The following ZNF438 variants were observed in gnomAD, a reference collection of about 807,000 sequenced individuals.
ZNF438 encodes the protein zinc finger protein 438.
In ZNF438, 25 loss-of-function variants were observed where a neutral mutation model predicts 38.0. The ratio of observed to expected loss-of-function variants is 0.66; its 90% CI spans 0.48 to 0.92. ZNF438 has a LOEUF of 0.92. Ranked by LOEUF, ZNF438 falls within the 40% of genes least tolerant of loss-of-function variation. ZNF438 has a pLI of 0.00. For missense variants in ZNF438, 1,007 were observed against 999.6 expected (o/e 1.01, Z -0.10); for synonymous variants, 372 against 364.1 (o/e 1.02, Z -0.25).
intron 1 of ZNF438, among the ~76,000 whole-genome samples, chr10:30,997,381 A>C (rs1461498394): frequency 1.4e-4 from 22 of 152,302 alleles, no homozygotes; most frequent in Admixed American, 1.4e-3. Context: ...CAGCATATGC[A>C]GACTCTTCTT....
At chr10:30,961,440 T>C (rs1488658236) in intron 1 of ZNF438, among the ~76,000 whole-genome samples, 1 of 146,198 alleles carries the variant, frequency 6.8e-6, no homozygotes, top group Non-Finnish European at 1.6e-5. Context: ...GGACTACAGG[T>C]GTGCACAACT....
intron 1 of ZNF438, among the ~76,000 whole-genome samples, chr10:30,974,081 T>A (rs1035047346): frequency 2.0e-5 from 3 of 152,230 alleles, no homozygotes; most frequent in African/African-American, 7.2e-5. Flanking sequence ...TACCTCCCAG[T>A]ACCCTCAATT....
rs369141046 is a variant in ZNF438 at position 31,012,850 on chromosome 10, T to A, written c.-192+18983A>T. The stretch of plus-strand genomic sequence containing the variant: ...CAGAAAGGAGGTAAGAATGTGTGTG[T>A]GGTTATTGGCCAGTGAGGGTGAAGT... On this transcript the variant is annotated intron_variant, in intron 1 of 5. Transcript: ENST00000413025. Among the ~76,000 whole-genome samples the A allele has an allele frequency of 3.3e-5, 5 of 152,304 alleles. No individual in the cohort carries two copies. In the East Asian group the frequency reaches 9.7e-4, roughly 29 times the overall value.
chr10:30,966,286 T>G (rs549061491), intron 1 of ZNF438, among the ~76,000 whole-genome samples: 1 of 152,096 alleles, frequency 6.6e-6, no homozygotes, highest in East Asian at 1.9e-4. Flanking sequence ...GCTATGATCA[T>G]GCCACTGTAC....
chr10:30,942,790 T>C (rs1314510586), intron 1 of ZNF438, among the ~76,000 whole-genome samples: 3 of 152,226 alleles, frequency 2.0e-5, no homozygotes, highest in East Asian at 1.9e-4. Context: ...CTGTGTAGTC[T>C]TGTTTGCTGC....
intron 5 of ZNF438, among the ~76,000 whole-genome samples, chr10:30,848,275 G>A (rs1244335748): frequency 6.6e-6 from 1 of 152,244 alleles, no homozygotes; most frequent in Non-Finnish European, 1.5e-5. Context: ...GATTTTGGGG[G>A]AAATTACTTG....
intron 2 of ZNF438, among the ~76,000 whole-genome samples, chr10:30,915,009 A>G (rs1201752459): frequency 6.6e-6 from 1 of 152,040 alleles, no homozygotes; most frequent in African/African-American, 2.4e-5. Context: ...GGTCTTTTTT[A>G]AAATCAAGGA....
intron 1 of ZNF438, among the ~76,000 whole-genome samples, chr10:30,981,514 G>A (rs75621828): frequency 0.012 from 1,758 of 152,222 alleles, 30 homozygotes; most frequent in African/African-American, 0.039. Context: ...TCTGTAAAGG[G>A]AATTCCAGCC....
intron 2 of ZNF438, among the ~76,000 whole-genome samples, chr10:30,924,499 GA>G (rs2044688760): frequency 6.6e-6 from 1 of 152,184 alleles, no homozygotes; most frequent in African/African-American, 2.4e-5. Flanking sequence ...TGAGAGGCCT[GA>G]AGGTCATTTC....
chr10:30,871,185 G>C (rs1272455189), intron 4 of ZNF438, among the ~76,000 whole-genome samples: 1 of 152,166 alleles, frequency 6.6e-6, no homozygotes. Flanking sequence ...AATTACAACA[G>C]CTGCAAGAGA....
At chr10:30,969,659 C>T (rs529651158) in intron 1 of ZNF438, among the ~76,000 whole-genome samples, 2 of 152,280 alleles carry the variant, frequency 1.3e-5, no homozygotes, top group African/African-American at 4.8e-5. Flanking sequence ...CTCAGTGGAG[C>T]TCAGTCTCCT....
chr10:30,964,520 C>A (rs1465596703), intron 1 of ZNF438, among the ~76,000 whole-genome samples: 2 of 152,224 alleles, frequency 1.3e-5, no homozygotes, highest in African/African-American at 4.8e-5. Flanking sequence ...ATACCAGGCA[C>A]AATGCTGTTT....
intron 1 of ZNF438, among the ~76,000 whole-genome samples, chr10:31,027,160 GC>G (rs2056998497): frequency 6.6e-6 from 1 of 151,988 alleles, no homozygotes; most frequent in Admixed American, 6.6e-5. Context: ...GTTAATGGGT[GC>G]AGCACACCAA....
At chr10:30,901,465 C>A (rs955267135) in intron 3 of ZNF438, among the ~76,000 whole-genome samples, 1 of 151,606 alleles carries the variant, frequency 6.6e-6, no homozygotes, top group African/African-American at 2.4e-5. Flanking sequence ...GTTAGCTAGC[C>A]CTTTCCCAGA....
intron 2 of ZNF438, among the ~76,000 whole-genome samples, chr10:30,935,348 A>C (rs2046132496): frequency 6.6e-6 from 1 of 152,216 alleles, no homozygotes; most frequent in Admixed American, 6.5e-5. Context: ...TAGTTCCAGC[A>C]TCTGTTTGGC....
chr10:30,890,265 T>C (rs1335914429), intron 3 of ZNF438, among the ~76,000 whole-genome samples: 1 of 152,244 alleles, frequency 6.6e-6, no homozygotes, highest in Admixed American at 6.5e-5. Context: ...ATTAAGAATG[T>C]TTAAGAGGGC....
chr10:30,845,333 A>C (rs1244993066), exon 6 of ZNF438: 2 of 1,614,026 alleles, frequency 1.2e-6, no homozygotes, highest in Non-Finnish European at 1.7e-6. Context: ...TCCCTCTCTC[A>C]GGATGCCTTT....
At chr10:30,944,391 T>TA (rs2047144579) in intron 1 of ZNF438, among the ~76,000 whole-genome samples, 1 of 152,182 alleles carries the variant, frequency 6.6e-6, no homozygotes, top group African/African-American at 2.4e-5. Context: ...GTCTACTTCT[T>TA]AAAGAGTTCA....
chr10:30,961,961 G>A (rs1377002458), intron 1 of ZNF438, among the ~76,000 whole-genome samples: 3 of 145,568 alleles, frequency 2.1e-5, no homozygotes, highest in African/African-American at 7.3e-5. Context: ...AACTACCAGA[G>A]AGGCTAGTAC....
Sources: allele counts gnomAD v4.1 joint callset (sites outside exome capture counted in the v4.1 genomes callset), GRCh38; gene constraint gnomAD v4.1.1; transcripts MANE v1.5; gene names NCBI Gene and HGNC (gene_info 2026-07-23, HGNC 2026-07-21).